CD109: variants seen among roughly 807,000 people sequenced by gnomAD.
The protein encoded by CD109 is CD109 molecule.
Under a neutral mutation model 165.8 loss-of-function variants are expected in CD109, and 149 were observed. That is an observed-to-expected ratio of 0.90 (90% CI 0.79 to 1.03). The LOEUF (loss-of-function observed/expected upper bound fraction) is 1.03, where lower values mean the gene tolerates loss of function less well. Among genes scored for constraint, CD109 ranks in the 50% least tolerant of loss-of-function variants. CD109 has a pLI of 0.00. For missense variants in CD109, 1,712 were observed against 1,677.8 expected (o/e 1.02, Z -0.36); for synonymous variants, 585 against 592.1 (o/e 0.99, Z 0.18).
chr6:73,809,754 C>A (rs1775687130), intron 26 of CD109, among the ~76,000 whole-genome samples: 1 of 152,016 alleles, frequency 6.6e-6, no homozygotes. Context: ...ATAAGATATA[C>A]TTAACTTGTA....
At position 73,802,979 on chromosome 6, in the gene CD109, T is replaced by C. The variant is rs143045710; in HGVS notation, c.2879-241T>C. 5.6e-4 allele frequency among the ~76,000 whole-genome samples: 85 copies of C among 152,242 alleles called. 1 individual carries two copies. The highest frequency in any genetic ancestry group is 2.0e-3 in the African/African-American group (82 of 41,544). The stretch of plus-strand genomic sequence containing the variant: ...CCTCCCAAAGCGCTGGGATTATAGG[T>C]GTGAGCCACTGCACCCGGCTGGGAT... On this transcript the variant is annotated intron_variant, in intron 23 of 32. Coordinates refer to ENST00000287097, the MANE Select transcript of CD109 (RefSeq NM_133493.5).
At chr6:73,721,132 T>C (rs1771934104) in intron 2 of CD109, among the ~76,000 whole-genome samples, 1 of 152,220 alleles carries the variant, frequency 6.6e-6, no homozygotes, top group South Asian at 2.1e-4. Context: ...CCATGTTCAA[T>C]ATCCTGTTAT....
chr6:73,781,836 C>CACACACACACACA (rs386359122), intron 17 of CD109, among the ~76,000 whole-genome samples: 27 of 62,158 alleles, frequency 4.3e-4, no homozygotes, highest in African/African-American at 1.9e-3. Flanking sequence ...CACACACACA[C>CACACACACACACA]CCCTCATCAA....
At chr6:73,778,919 TTAAA>T (rs1562062581) in intron 15 of CD109, among the ~76,000 whole-genome samples, 3 of 152,202 alleles carry the variant, frequency 2.0e-5, no homozygotes. Context: ...TTTATTGAAG[TTAAA>T]TATATATAAA....
rs1424073204 is a variant in CD109 at position 73,828,207 on chromosome 6, A to G, written c.*4574A>G. ...TTATATATTGATCAAGGTGATTCTG[A>G]AAGTTTTAATTTTTAATGTTGTAAT... On this transcript the variant is annotated 3_prime_UTR_variant, in exon 33 of 33. Coordinates refer to ENST00000287097, the MANE Select transcript of CD109 (RefSeq NM_133493.5). 6.5e-6 allele frequency: 1 copy of G among 154,802 alleles called. No homozygotes were observed. The highest frequency in any genetic ancestry group is 2.4e-5 in the African/African-American group (1 of 41,530). 9.6% of individuals were successfully genotyped at this position (154,802 alleles called of 1,614,324 possible).
chr6:73,698,472 A>G lies in CD109; in HGVS notation c.247+900A>G, dbSNP rs182567569. On this transcript the variant is annotated intron_variant, in intron 2 of 32. Transcript: ENST00000287097. Reference sequence around the variant, plus strand: ...AGTGCTGGGATTACAGTCCTAAGCTACTGCTCCTGGCCGAGACATACATTT... The same window carrying G: ...AGTGCTGGGATTACAGTCCTAAGCTGCTGCTCCTGGCCGAGACATACATTT... 2.4e-3 allele frequency among the ~76,000 whole-genome samples: 365 copies of G among 152,206 alleles called. 2 individuals are homozygous for G. The highest frequency in any genetic ancestry group is 8.6e-3 in the African/African-American group (356 of 41,524).
At chr6:73,741,372 A>G (rs1772779148) in intron 5 of CD109, among the ~76,000 whole-genome samples, 1 of 152,142 alleles carries the variant, frequency 6.6e-6, no homozygotes, top group East Asian at 1.9e-4. Flanking sequence ...CTTTGTCTAG[A>G]GCACCAAGCC....
At chr6:73,688,761 G>GTTTTTTTTTT in the CD109 span, among the ~76,000 whole-genome samples, 29 of 73,530 alleles carry the variant, frequency 3.9e-4, 2 homozygotes, top group East Asian at 8.6e-4. Context: ...GTTTTTCTTT[G>GTTTTTTTTTT]TTTTTTTTTT....
intron 20 of CD109, among the ~76,000 whole-genome samples, chr6:73,786,400 T>A (rs1009627515): frequency 5.7e-4 from 86 of 152,186 alleles, no homozygotes; most frequent in African/African-American, 1.9e-3. Context: ...ATTTAAATTT[T>A]AATTTTTTAA....
intron 3 of CD109, among the ~76,000 whole-genome samples, chr6:73,725,157 A>T (rs1006161270): frequency 6.6e-6 from 1 of 152,238 alleles, no homozygotes; most frequent in African/African-American, 2.4e-5. Context: ...TCTTTGTGGC[A>T]ATAAAACATT....
At chr6:73,715,993 AT>A (rs1401016728) in intron 2 of CD109, among the ~76,000 whole-genome samples, 2 of 152,128 alleles carry the variant, frequency 1.3e-5, no homozygotes, top group Non-Finnish European at 2.9e-5. Flanking sequence ...AATTGTTTTA[AT>A]TTTTAGCTAC....
At chr6:73,727,902 C>G (rs1476905595) in intron 3 of CD109, among the ~76,000 whole-genome samples, 1 of 152,134 alleles carries the variant, frequency 6.6e-6, no homozygotes, top group South Asian at 2.1e-4. Flanking sequence ...TGAAGTATCA[C>G]TTGAGAAAAT....
At position 73,767,273 on chromosome 6, in the gene CD109, A is replaced by G. The variant is rs145524208; in HGVS notation, c.1497+263A>G. Among the ~76,000 whole-genome samples, 33 of 152,194 alleles carry G rather than the reference A, an allele frequency of 2.2e-4. No homozygotes were observed. In the East Asian group the frequency reaches 6.2e-3, roughly 29 times the overall value. ...CTCTATGTGTCCATGTGTTCTCATC[A>G]TTTAGTGTGCACTTATAAGTGAGAA... On this transcript the variant is annotated intron_variant, in intron 13 of 32. Transcript: ENST00000287097.
chr6:73,796,870 A>T (rs898053940), intron 23 of CD109, among the ~76,000 whole-genome samples: 11 of 152,192 alleles, frequency 7.2e-5, no homozygotes, highest in African/African-American at 2.2e-4. Context: ...GAAAGTCAGC[A>T]CAGTGGAGCT....
intron 2 of CD109, among the ~76,000 whole-genome samples, chr6:73,719,926 C>T (rs1771881980): frequency 6.6e-6 from 1 of 152,136 alleles, no homozygotes; most frequent in Non-Finnish European, 1.5e-5. Flanking sequence ...AAGTCTTTCC[C>T]ATTAAAAGTA....
chr6:73,781,274 G>A lies in CD109; in HGVS notation c.1918G>A (p.Val640Ile), dbSNP rs755725100. 4 of 1,612,486 alleles carry A rather than the reference G, an allele frequency of 2.5e-6. No individual in the cohort carries two copies. Among genetic ancestry groups the A allele is most frequent in the East Asian group, 2.2e-5 (1 of 44,868 alleles). Reference sequence around the variant, plus strand: ...TTCTTTTTAGGAATGTGGACTCTGGGTATTGACAGATGCAAACCTCACGAA... The same window carrying A: ...TTCTTTTTAGGAATGTGGACTCTGGATATTGACAGATGCAAACCTCACGAA... ...FAVFQECGLW[V>I]LTDANLTKDY... Residue 640 changes from valine (V) to isoleucine (I), a missense_variant, in exon 17 of 33, where the codon GTA (valine) becomes ATA (isoleucine). Val to Ile is a conservative substitution (Grantham distance 29, BLOSUM62 3). Transcript: ENST00000287097.
chr6:73,821,579 G>A (rs577944507), intron 32 of CD109, among the ~76,000 whole-genome samples: 1 of 152,226 alleles, frequency 6.6e-6, no homozygotes, highest in East Asian at 1.9e-4. Flanking sequence ...CAGCAACATG[G>A]ATGCAGCTGA....
At chr6:73,781,344 T>C (rs1051080721) in intron 17 of CD109, 25 bp downstream of exon 17, 1 of 1,582,724 alleles carries the variant, frequency 6.3e-7, no homozygotes, top group Non-Finnish European at 8.7e-7. Flanking sequence ...GCGACATGCT[T>C]GTATTTGTCT....
chr6:73,755,842 T>A (rs1217145656), intron 5 of CD109, among the ~76,000 whole-genome samples: 3 of 151,646 alleles, frequency 2.0e-5, no homozygotes, highest in Non-Finnish European at 4.4e-5. Flanking sequence ...GCCCCTGTGG[T>A]CCCAGCTAGT....
Sources: allele counts gnomAD v4.1 joint callset (sites outside exome capture counted in the v4.1 genomes callset), GRCh38; gene constraint gnomAD v4.1.1; transcripts MANE v1.5; gene names NCBI Gene and HGNC (gene_info 2026-07-23, HGNC 2026-07-21).